FBXL4: variants seen among roughly 807,000 people sequenced by gnomAD.
FBXL4 encodes the protein F-box and leucine rich repeat protein 4, also known as F-box/LRR-repeat protein 4.
In FBXL4, 40 loss-of-function variants were observed where a neutral mutation model predicts 58.9. The observed-to-expected ratio is 0.68, with a 90% CI of 0.53 to 0.88. FBXL4 has a LOEUF of 0.88. FBXL4 is among the 40% of genes least tolerant of loss of function. FBXL4 has a pLI of 0.00. For missense variants in FBXL4, 676 were observed against 734.4 expected (o/e 0.92, Z 0.92); for synonymous variants, 263 against 265.5 (o/e 0.99, Z 0.09).
intron 5 of FBXL4, among the ~76,000 whole-genome samples, chr6:98,911,311 C>G (rs941948936): frequency 1.1e-4 from 16 of 152,316 alleles, no homozygotes; most frequent in African/African-American, 3.6e-4. Flanking sequence ...CTGTCTGACA[C>G]CTTTGAGGAG....
At position 98,905,473 on chromosome 6, in the gene FBXL4, T is replaced by A. The variant is rs779748858; in HGVS notation, c.1056A>T (p.Leu352Phe). ...TGAAGCCTCTATTGCCAGTCCAAGA[T>A]AAATTAAGCCACTGGACAAGAGTGC... is the stretch of plus-strand genomic sequence containing the variant. ...SRCTLVQWLN[L>F]SWTGNRGFIS... is the part of the protein sequence containing the mutation. Residue 352 changes from leucine (L) to phenylalanine (F), a missense_variant, in exon 6 of 10, where the codon TTA becomes TTT. Coordinates refer to ENST00000369244, the MANE Select transcript of FBXL4 (RefSeq NM_001278716.2). 1.2e-6 allele frequency: 2 copies of A among 1,614,016 alleles called. No individual in the cohort carries two copies. Among genetic ancestry groups the A allele is most frequent in the Admixed American group, 3.3e-5 (2 of 60,002 alleles).
chr6:98,898,876 C>T (rs1482610349), intron 7 of FBXL4: 3 of 985,196 alleles, frequency 3.0e-6, no homozygotes, highest in East Asian at 1.1e-4. Flanking sequence ...CAAATTTTAA[C>T]CCCCAAGTCT....
intron 5 of FBXL4, among the ~76,000 whole-genome samples, chr6:98,912,007 G>T (rs1322334362): frequency 1.3e-5 from 2 of 152,156 alleles, no homozygotes; most frequent in Non-Finnish European, 2.9e-5. Context: ...GAAAGCCAAG[G>T]CTCAAGAACT....
In FBXL4 at chr6:98,927,830, A is replaced by G. The variant is rs549295577; in HGVS notation, c.-190-8T>C. 3 of 152,364 alleles carry G rather than the reference A, an allele frequency of 2.0e-5. No individual in the cohort carries two copies. The highest frequency in any genetic ancestry group is 2.9e-5 in the Non-Finnish European group (2 of 68,032). 9.4% of individuals were successfully genotyped at this position (152,364 alleles called of 1,614,324 possible). A position where few individuals can be genotyped will look rare whatever the true frequency, so the allele number is the denominator to read the frequency against. On this transcript the variant is annotated splice_region_variant and splice_polypyrimidine_tract_variant and intron_variant, in intron 2 of 9. Transcript: ENST00000369244. ...CATGTGACATTCTTTTACCTGTAAG[A>G]AAAGAGTTTTGGAAAATATTTTTAT... is the stretch of plus-strand genomic sequence containing the variant.
intron 5 of FBXL4, among the ~76,000 whole-genome samples, chr6:98,911,992 G>C (rs923663955): frequency 6.6e-6 from 1 of 152,184 alleles, no homozygotes; most frequent in Non-Finnish European, 1.5e-5. Context: ...GGAGCTGATG[G>C]AGCTGAAAGC....
In FBXL4 at chr6:98,875,747, A is replaced by C. The variant is rs1476985421; in HGVS notation, c.1390-20T>G. The C allele has an allele frequency of 1.2e-6, 2 of 1,608,638 alleles. No individual in the cohort carries two copies. Among genetic ancestry groups the C allele is most frequent in the East Asian group, 2.2e-5 (1 of 44,846 alleles). On this transcript the variant is annotated intron_variant, in intron 8 of 9. Transcript: ENST00000369244. The stretch of plus-strand genomic sequence containing the variant: ...TTCAATCTGGAAATCAAATAATTCC[A>C]ATCTTTTACATGTTATGCTCAGACA...
intron 7 of FBXL4, chr6:98,898,210 G>T (rs1272861106): frequency 1.2e-6 from 1 of 818,744 alleles, no homozygotes; most frequent in Non-Finnish European, 1.5e-6. Context: ...TTCCAGACAG[G>T]CAAAAAAACA....
At chr6:98,881,942 T>A (rs923971478) in intron 7 of FBXL4, among the ~76,000 whole-genome samples, 8 of 152,034 alleles carry the variant, frequency 5.3e-5, no homozygotes, top group Non-Finnish European at 7.4e-5. Flanking sequence ...GTTTTTTTTT[T>A]AATTACAGGA....
At position 98,927,027 on chromosome 6, in the gene FBXL4, C is replaced by T. The variant is rs779353028; in HGVS notation, c.-39G>A. On this transcript the variant is annotated 5_prime_UTR_variant, in exon 4 of 10. Coordinates refer to ENST00000369244, the MANE Select transcript of FBXL4 (RefSeq NM_001278716.2). ...ATGAAGCTTCAAAAGGTCAGGTGTC[C>T]TCAGTAAGATGCATGAACTCTTTGA... 29 of 1,591,592 alleles carry T rather than the reference C, an allele frequency of 1.8e-5. No individual in the cohort carries two copies. Among genetic ancestry groups the T allele is most frequent in the Middle Eastern group, 1.7e-4 (1 of 5,960 alleles).
At chr6:98,886,916 T>C (rs549596187) in intron 7 of FBXL4, among the ~76,000 whole-genome samples, 1 of 152,316 alleles carries the variant, frequency 6.6e-6, no homozygotes, top group Non-Finnish European at 1.5e-5. Context: ...ATGATACAGT[T>C]TGAGATAAAT....
chr6:98,929,309 C>T (rs907230451), intron 2 of FBXL4, among the ~76,000 whole-genome samples: 1 of 152,110 alleles, frequency 6.6e-6, no homozygotes, highest in South Asian at 2.1e-4. Context: ...TGGTGGCTCA[C>T]GCCTGTAATC....
chr6:98,937,344 C>T (rs1773259361), intron 1 of FBXL4, among the ~76,000 whole-genome samples: 1 of 151,638 alleles, frequency 6.6e-6, no homozygotes, highest in Non-Finnish European at 1.5e-5. Flanking sequence ...TCACCCAAAA[C>T]TTTACTAATA....
intron 1 of FBXL4, among the ~76,000 whole-genome samples, chr6:98,946,699 G>A (rs1048419826): frequency 1.3e-5 from 2 of 152,170 alleles, no homozygotes; most frequent in Non-Finnish European, 1.5e-5. Flanking sequence ...GCCAACTTTT[G>A]GCGCAGAAGT....
intron 1 of FBXL4, among the ~76,000 whole-genome samples, chr6:98,935,661 C>T (rs936590156): frequency 1.2e-4 from 18 of 151,130 alleles, no homozygotes; most frequent in Admixed American, 8.5e-4. Context: ...CGGTGGCGGG[C>T]GCCTGTAGTC....
At chr6:98,939,782 T>C (rs1478027975) in intron 1 of FBXL4, among the ~76,000 whole-genome samples, 2 of 152,254 alleles carry the variant, frequency 1.3e-5, no homozygotes, top group Non-Finnish European at 2.9e-5. Flanking sequence ...TTTATGGTAT[T>C]ACACTAAGCA....
intron 2 of FBXL4, among the ~76,000 whole-genome samples, chr6:98,934,531 T>C (rs195830): frequency 0.69 from 104,702 of 152,118 alleles, 36,898 homozygotes; most frequent in African/African-American, 0.85. Flanking sequence ...GAAAAAGCTC[T>C]GCTTTTTCTT....
At position 98,869,243 on chromosome 6, in the gene FBXL4, G is replaced by A. The variant is rs550246199; in HGVS notation, c.*5035C>T. 4 of 152,122 alleles carry A rather than the reference G, an allele frequency of 2.6e-5. No homozygotes were observed. Among genetic ancestry groups the A allele is most frequent in the South Asian group, 2.1e-4 (1 of 4,800 alleles). The allele number at this position is 152,122 out of a possible 1,614,324, so 9.4% of individuals were successfully genotyped here. ...GGAGAAAAGTAGATGCAGCACTGAT[G>A]TGTCAAAAATGACTTTGAAAATGTA... On this transcript the variant is annotated 3_prime_UTR_variant, in exon 10 of 10. Coordinates refer to ENST00000369244, the MANE Select transcript of FBXL4 (RefSeq NM_001278716.2).
At chr6:98,931,536 T>A (rs920541426) in intron 2 of FBXL4, among the ~76,000 whole-genome samples, 8 of 152,184 alleles carry the variant, frequency 5.3e-5, no homozygotes, top group African/African-American at 1.9e-4. Context: ...AAAAGAAATT[T>A]TTAAAGGAAG....
rs1582425406 is a variant in FBXL4 at position 98,917,610 on chromosome 6, C to A, written c.622G>T (p.Glu208Ter). 6.2e-6 allele frequency: 10 copies of A among 1,613,970 alleles called. No homozygotes were observed. The highest frequency in any genetic ancestry group is 8.5e-6 in the Non-Finnish European group (10 of 1,179,900). ...TATTCCAGAAGAGAACTATTTACTT[C>A]CAGTCGTATAAGATTTGTGGGGAAA... is the stretch of plus-strand genomic sequence containing the variant. ...INFPTNLIRL[E>*]VNSSLLEYYT... The change falls in exon 5 of 10, where the codon GAA becomes TAA. Residue 208 changes from glutamate to a stop codon, truncating the protein, a stop_gained. Coordinates refer to ENST00000369244, the MANE Select transcript of FBXL4 (RefSeq NM_001278716.2). LOFTEE classifies it high-confidence loss of function.
Sources: allele counts gnomAD v4.1 joint callset (sites outside exome capture counted in the v4.1 genomes callset), GRCh38; gene constraint gnomAD v4.1.1; transcripts MANE v1.5; gene names NCBI Gene and HGNC (gene_info 2026-07-23, HGNC 2026-07-21).